NRXN3: variants seen among roughly 807,000 people sequenced by gnomAD.
NRXN3 encodes neurexin 3.
NRXN3 carries 32 observed loss-of-function variants against 137.6 expected under a neutral mutation model. That is an observed-to-expected ratio of 0.23 (90% CI 0.18 to 0.31). The LOEUF is 0.31. Ranked by LOEUF, NRXN3 falls within the 10% of genes least tolerant of loss-of-function variation. The pLI, the probability that NRXN3 is intolerant of heterozygous loss-of-function variation, is 1.00. For missense variants in NRXN3, 1,574 were observed against 2,062.5 expected (o/e 0.76, Z 4.59); for synonymous variants, 798 against 784.5 (o/e 1.02, Z -0.29).
chr14:78,468,394 C>G (rs190934083), intron 4 of NRXN3, among the ~76,000 whole-genome samples: 1 of 152,262 alleles, frequency 6.6e-6, no homozygotes, highest in Admixed American at 6.5e-5. Flanking sequence ...TTCCTCACAT[C>G]TTTGAAGCCT....
chr14:79,680,549 G>A (rs1474658163), intron 17 of NRXN3, among the ~76,000 whole-genome samples: 1 of 152,034 alleles, frequency 6.6e-6, no homozygotes, highest in Non-Finnish European at 1.5e-5. Context: ...TGGTGGAGGA[G>A]TGCCTTTCTA....
At chr14:79,858,568 C>T (rs2099407662) in intron 20 of NRXN3, among the ~76,000 whole-genome samples, 1 of 151,970 alleles carries the variant, frequency 6.6e-6, no homozygotes, top group Non-Finnish European at 1.5e-5. Flanking sequence ...TTGTCATTGC[C>T]ATAAGGAACA....
chr14:78,674,606 C>T (rs764577296), intron 6 of NRXN3, among the ~76,000 whole-genome samples: 9 of 152,048 alleles, frequency 5.9e-5, no homozygotes, highest in African/African-American at 2.2e-4. Flanking sequence ...GTTGTGGTTT[C>T]GGTGCTGATC....
At position 79,864,098 on chromosome 14, in the gene NRXN3, A is replaced by G. The variant is rs1000090474; in HGVS notation, c.*2134A>G. 1 of 152,656 alleles carries G rather than the reference A, an allele frequency of 6.6e-6. No homozygotes were observed. The highest frequency in any genetic ancestry group is 2.4e-5 in the African/African-American group (1 of 41,462). The allele number at this position is 152,656 out of a possible 1,614,324, so 9.5% of individuals were successfully genotyped here. ...CGGCCCAGCCTATACGAAGTTGATTATATCTCGATGTCTGTAAAAGATTGC... is the reference window on the plus strand; with the variant it reads ...CGGCCCAGCCTATACGAAGTTGATTGTATCTCGATGTCTGTAAAAGATTGC... On this transcript the variant is annotated 3_prime_UTR_variant, in exon 21 of 21. Coordinates refer to ENST00000335750, the MANE Select transcript of NRXN3 (RefSeq NM_001330195.2).
chr14:78,616,665 A>C (rs1201916331), intron 4 of NRXN3, among the ~76,000 whole-genome samples: 1 of 152,210 alleles, frequency 6.6e-6, no homozygotes, highest in African/African-American at 2.4e-5. Flanking sequence ...CTTGCTATAA[A>C]TATGTGATAA....
chr14:78,374,408 A>T (rs988161658), intron 4 of NRXN3, among the ~76,000 whole-genome samples: 1 of 152,212 alleles, frequency 6.6e-6, no homozygotes, highest in Non-Finnish European at 1.5e-5. Flanking sequence ...AGTTCTTTAA[A>T]TCTTGTCAAA....
chr14:78,597,837 A>G (rs1055554379), intron 4 of NRXN3, among the ~76,000 whole-genome samples: 1 of 152,196 alleles, frequency 6.6e-6, no homozygotes, highest in Non-Finnish European at 1.5e-5. Context: ...ATGCAAGGGT[A>G]TCTGTGGTTC....
At chr14:78,373,273 T>TG (rs5809880) in intron 4 of NRXN3, among the ~76,000 whole-genome samples, 149,056 of 152,204 alleles carry the variant, frequency 0.98, 73,035 homozygotes, top group Non-Finnish European at 1. Context: ...AAAGATGAGG[T>TG]GGGAAGATGT....
At chr14:78,828,767 A>G (rs1002719444) in intron 10 of NRXN3, among the ~76,000 whole-genome samples, 1 of 152,236 alleles carries the variant, frequency 6.6e-6, no homozygotes, top group Non-Finnish European at 1.5e-5. Context: ...TGGTAATGCA[A>G]TGCTGAACAA....
chr14:78,676,570 G>A (rs2098009718), intron 6 of NRXN3, among the ~76,000 whole-genome samples: 1 of 152,142 alleles, frequency 6.6e-6, no homozygotes, highest in Non-Finnish European at 1.5e-5. Context: ...TAACATAATA[G>A]TGCAAATTGA....
chr14:78,507,524 T>G (rs566840102), intron 4 of NRXN3, among the ~76,000 whole-genome samples: 3 of 152,324 alleles, frequency 2.0e-5, no homozygotes, highest in Non-Finnish European at 4.4e-5. Flanking sequence ...TTGATTAGCA[T>G]GAGCGACGAG....
intron 17 of NRXN3, among the ~76,000 whole-genome samples, chr14:79,682,151 T>C (rs1457651368): frequency 6.6e-6 from 1 of 152,192 alleles, no homozygotes; most frequent in Non-Finnish European, 1.5e-5. Flanking sequence ...TATATTTGTA[T>C]AGGGTATGTT....
chr14:78,601,401 G>A (rs765252513), intron 4 of NRXN3, among the ~76,000 whole-genome samples: 4 of 151,984 alleles, frequency 2.6e-5, no homozygotes, highest in Non-Finnish European at 5.9e-5. Context: ...GCGAGCTTAT[G>A]AGGGTGGTCC....
In NRXN3 at chr14:79,472,914, A is replaced by T. The variant is rs115912627; in HGVS notation, c.3444+5512A>T. ...AGAAGGTCGGGGAGAACTGGGCAAT[A>T]ATTAGCTTCCCTTTATGTAGTTAAT... On this transcript the variant is annotated intron_variant, in intron 16 of 20. Transcript: ENST00000335750. 6.5e-3 allele frequency among the ~76,000 whole-genome samples: 993 copies of T among 152,272 alleles called. 14 individuals are homozygous for T. Among genetic ancestry groups the T allele is most frequent in the African/African-American group, 0.023 (955 of 41,552 alleles).
At chr14:79,603,345 C>A (rs1244168490) in intron 16 of NRXN3, among the ~76,000 whole-genome samples, 1 of 152,194 alleles carries the variant, frequency 6.6e-6, no homozygotes, top group Non-Finnish European at 1.5e-5. Flanking sequence ...TTCATCGCCT[C>A]CTGCACCCCA....
intron 8 of NRXN3, among the ~76,000 whole-genome samples, chr14:78,759,950 A>G (rs2098686281): frequency 6.6e-6 from 1 of 151,992 alleles, no homozygotes; most frequent in Non-Finnish European, 1.5e-5. Context: ...TTTACAGAAG[A>G]GAAACAGAAG....
intron 4 of NRXN3, among the ~76,000 whole-genome samples, chr14:78,514,119 CA>C (rs35455777): frequency 2.1e-3 from 316 of 152,180 alleles, no homozygotes; most frequent in African/African-American, 7.4e-3. Flanking sequence ...AGCAGGAACC[CA>C]AAGTGACTTT....
Position 78,787,496 on chromosome 14 carries a change from A to G in NRXN3, c.2045-16124A>G, listed in dbSNP as rs181302671. ...TAATATTTAGAATAAAGCAAAGGTA[A>G]TAGGTATAAAAATCCATTCATTTAC... On this transcript the variant is annotated intron_variant, in intron 8 of 20. Transcript: ENST00000335750. 2.6e-3 allele frequency among the ~76,000 whole-genome samples: 392 copies of G among 152,316 alleles called. 2 individuals carry two copies. The highest frequency in any genetic ancestry group is 0.014 in the Middle Eastern group (4 of 294).
chr14:78,235,195 A>G (rs2066113396), intron 1 of NRXN3, among the ~76,000 whole-genome samples: 1 of 151,792 alleles, frequency 6.6e-6, no homozygotes, highest in South Asian at 2.1e-4. Context: ...GTCTTATTAG[A>G]TATAGGCTGT....
Sources: gnomAD v4.1 joint callset for allele counts (sites outside exome capture counted in the v4.1 genomes callset) on GRCh38, gnomAD v4.1.1 for gene constraint, MANE v1.5 for transcripts, NCBI Gene and HGNC (gene_info 2026-07-23, HGNC 2026-07-21) for gene names.